CCDC6: variants seen among roughly 807,000 people sequenced by gnomAD.
CCDC6 encodes coiled-coil domain containing 6.
A neutral mutation model predicts 56.6 loss-of-function variants in CCDC6; 20 were observed. The ratio of observed to expected loss-of-function variants is 0.35; its 90% CI spans 0.25 to 0.51. CCDC6 has a LOEUF of 0.51. Among genes scored for constraint, CCDC6 ranks in the 20% least tolerant of loss-of-function variants. CCDC6 has a pLI of 0.95. For synonymous variants in CCDC6, 241 were observed against 234.4 expected, an observed-to-expected ratio of 1.03 and a Z score of -0.26; for missense variants, 367 against 601.1, an observed-to-expected ratio of 0.61 and a Z score of 4.07.
chr10:59,843,509 T>G (rs532837264), intron 2 of CCDC6, among the ~76,000 whole-genome samples: 138 of 152,372 alleles, frequency 9.1e-4, no homozygotes, highest in African/African-American at 3.3e-3. Flanking sequence ...CTGAGTATAG[T>G]AAGCATGGTT....
intron 3 of CCDC6, among the ~76,000 whole-genome samples, chr10:59,827,962 T>C (rs996285004): frequency 6.6e-6 from 1 of 152,230 alleles, no homozygotes; most frequent in African/African-American, 2.4e-5. Context: ...CACTGTTGTC[T>C]TCTTCCCCAT....
chr10:59,871,274 A>C lies in CCDC6; in HGVS notation c.304-18572T>G, dbSNP rs115392302. On this transcript the variant is annotated intron_variant, in intron 1 of 8. Transcript: ENST00000263102. Reference sequence around the variant, plus strand: ...TGCCTCTGGAGTTGTTAAAGAGGCTAATCTGTCACACCACATTCGCAGAGC... The same window carrying C: ...TGCCTCTGGAGTTGTTAAAGAGGCTCATCTGTCACACCACATTCGCAGAGC... 8.2e-3 allele frequency among the ~76,000 whole-genome samples: 1,247 copies of C among 152,152 alleles called. 16 individuals are homozygous for C. The highest frequency in any genetic ancestry group is 0.028 in the African/African-American group (1,174 of 41,512).
At chr10:59,846,890 C>T (rs1022460575) in intron 2 of CCDC6, among the ~76,000 whole-genome samples, 5 of 152,182 alleles carry the variant, frequency 3.3e-5, no homozygotes, top group African/African-American at 1.2e-4. Context: ...GCTGAGTGTG[C>T]TCCCAAAGAG....
At chr10:59,848,129 C>T (rs1047497145) in intron 2 of CCDC6, among the ~76,000 whole-genome samples, 1 of 152,166 alleles carries the variant, frequency 6.6e-6, no homozygotes, top group Non-Finnish European at 1.5e-5. Context: ...GGCAGATTTC[C>T]GCCTTGTAAC....
intron 8 of CCDC6, 26 bp downstream of exon 8, chr10:59,794,447 C>T (rs370532339): frequency 6.2e-7 from 1 of 1,612,736 alleles, no homozygotes; most frequent in East Asian, 2.2e-5. Flanking sequence ...GAGTAAAGTG[C>T]TGCTTCCTAC....
At position 59,833,733 on chromosome 10, in the gene CCDC6, C is replaced by G. The variant is rs563757478; in HGVS notation, c.454-1080G>C. On this transcript the variant is annotated intron_variant, in intron 2 of 8. Coordinates refer to ENST00000263102, the MANE Select transcript of CCDC6 (RefSeq NM_005436.5). The stretch of plus-strand genomic sequence containing the variant: ...GTAAAAGCTACTAAAAACAATGAAG[C>G]ACACAAAAGTTTTAGTTTTTGGCTG... 4.7e-5 allele frequency among the ~76,000 whole-genome samples: 7 copies of G among 150,024 alleles called. No homozygotes were observed. In the East Asian group the frequency reaches 1.4e-3, roughly 29 times the overall value.
At chr10:59,871,716 C>G (rs1489443756) in intron 1 of CCDC6, among the ~76,000 whole-genome samples, 1 of 152,046 alleles carries the variant, frequency 6.6e-6, no homozygotes, top group Non-Finnish European at 1.5e-5. Flanking sequence ...CCTACATTTC[C>G]CCATCTGTAA....
chr10:59,866,886 A>C (rs1243474186), intron 1 of CCDC6, among the ~76,000 whole-genome samples: 1 of 152,208 alleles, frequency 6.6e-6, no homozygotes, highest in African/African-American at 2.4e-5. Flanking sequence ...AAAGCAGCTC[A>C]TCTTCAGAAT....
intron 2 of CCDC6, among the ~76,000 whole-genome samples, chr10:59,843,369 C>T (rs1237688993): frequency 6.6e-6 from 1 of 152,220 alleles, no homozygotes; most frequent in African/African-American, 2.4e-5. Flanking sequence ...AATTTGTCCA[C>T]ATCATATAAA....
chr10:59,902,388 CTTTTTTTTTTTT>C (rs35175510), intron 1 of CCDC6, among the ~76,000 whole-genome samples: 7 of 88,424 alleles, frequency 7.9e-5, no homozygotes, highest in South Asian at 4.7e-4. Flanking sequence ...AACAGTAACT[CTTTTTTTTTTTT>C]TTTTTTTTTT....
chr10:59,881,873 T>G (rs1048947702), intron 1 of CCDC6, among the ~76,000 whole-genome samples: 8 of 152,164 alleles, frequency 5.3e-5, no homozygotes. Flanking sequence ...TTCCTGTCCC[T>G]GGGAGGGGCA....
intron 2 of CCDC6, among the ~76,000 whole-genome samples, chr10:59,834,343 A>G (rs1470917279): frequency 2.0e-5 from 3 of 151,762 alleles, no homozygotes; most frequent in African/African-American, 4.8e-5. Flanking sequence ...GACCAGCCTG[A>G]CCAACATGGT....
chr10:59,903,859 T>TCACATAAATTTCTCCTCC lies in CCDC6; in HGVS notation c.303+2245_303+2262dup, dbSNP rs1172852016. 1.6e-4 allele frequency among the ~76,000 whole-genome samples: 25 copies of TCACATAAATTTCTCCTCC among 152,194 alleles called. No homozygotes were observed. In the East Asian group the frequency reaches 3.3e-3, roughly 20 times the overall value. Reference sequence around the variant, plus strand: ...ACATTCACAGGCCCATTTCATGGAGTCACATAAATTTCTCCTCCCGCATTA... The same window carrying TCACATAAATTTCTCCTCC: ...ACATTCACAGGCCCATTTCATGGAGTCACATAAATTTCTCCTCCCACATAAATTTCTCCTCCCGCATTA... On this transcript the variant is annotated intron_variant, in intron 1 of 8. Transcript: ENST00000263102.
At chr10:59,851,590 T>C (rs1157658301) in intron 2 of CCDC6, among the ~76,000 whole-genome samples, 1 of 152,140 alleles carries the variant, frequency 6.6e-6, no homozygotes, top group Non-Finnish European at 1.5e-5. Flanking sequence ...AGTATCCTCT[T>C]ACAGGATCAT....
In CCDC6 at chr10:59,792,821, G is replaced by C. The variant is rs2070480059; in HGVS notation, c.*96C>G. On this transcript the variant is annotated 3_prime_UTR_variant, in exon 9 of 9. Transcript: ENST00000263102. ...GCCTAGATAACCTCAGTGCAAATAAGTCATATCCAAATATGCCAGAGAAGG... is the reference window on the plus strand; with the variant it reads ...GCCTAGATAACCTCAGTGCAAATAACTCATATCCAAATATGCCAGAGAAGG... 8.1e-7 allele frequency: 1 copy of C among 1,239,478 alleles called. No homozygotes were observed. Among genetic ancestry groups the C allele is most frequent in the Non-Finnish European group, 1.2e-6 (1 of 840,188 alleles). 76.8% of individuals were successfully genotyped at this position (1,239,478 alleles called of 1,614,324 possible).
chr10:59,895,158 C>T (rs1378994612), intron 1 of CCDC6, among the ~76,000 whole-genome samples: 2 of 152,026 alleles, frequency 1.3e-5, no homozygotes, highest in Non-Finnish European at 2.9e-5. Flanking sequence ...AATAGTGACC[C>T]AGGAGTGGTG....
chr10:59,876,502 CT>C (rs10714987), intron 1 of CCDC6, among the ~76,000 whole-genome samples: 8,934 of 149,302 alleles, frequency 0.06, 453 homozygotes, highest in African/African-American at 0.14. Flanking sequence ...CCAGGTGTGA[CT>C]TTTTTTTCCC....
At chr10:59,879,826 T>A (rs555984615) in intron 1 of CCDC6, among the ~76,000 whole-genome samples, 1 of 152,314 alleles carries the variant, frequency 6.6e-6, no homozygotes, top group Non-Finnish European at 1.5e-5. Context: ...TTCTGCTCTT[T>A]AATGTGTTTT....
At chr10:59,855,074 C>G (rs116877406) in intron 1 of CCDC6, among the ~76,000 whole-genome samples, 2 of 152,260 alleles carry the variant, frequency 1.3e-5, no homozygotes, top group Non-Finnish European at 2.9e-5. Context: ...AGAGACTAGG[C>G]AGATCACCTT....
Sources: allele counts gnomAD v4.1 joint callset (sites outside exome capture counted in the v4.1 genomes callset), GRCh38; gene constraint gnomAD v4.1.1; transcripts MANE v1.5; gene names NCBI Gene and HGNC (gene_info 2026-07-23, HGNC 2026-07-21).